B3GLCT: variants seen among roughly 807,000 people sequenced by gnomAD.
The protein encoded by B3GLCT is beta 3-glucosyltransferase.
Under a neutral mutation model 63.4 loss-of-function variants are expected in B3GLCT, and 65 were observed. The ratio of observed to expected loss-of-function variants is 1.03; its 90% CI spans 0.84 to 1.26. The LOEUF (loss-of-function observed/expected upper bound fraction) is 1.26. B3GLCT is among the 50% of genes most tolerant of loss of function. B3GLCT has a pLI of 0.00. For missense variants in B3GLCT, 577 were observed against 604.8 expected (o/e 0.95, Z 0.48); for synonymous variants, 233 against 219.2 (o/e 1.06, Z -0.55).
intron 10 of B3GLCT, 106 bp downstream of exon 10, chr13:31,276,877 A>G: frequency 1.2e-6 from 1 of 838,810 alleles, no homozygotes; most frequent in Admixed American, 1.9e-5. Context: ...GGATAATGAC[A>G]ATTCGGATGT....
chr13:31,232,906 T>A (rs1566053215), intron 4 of B3GLCT, among the ~76,000 whole-genome samples: 1 of 152,238 alleles, frequency 6.6e-6, no homozygotes, highest in Non-Finnish European at 1.5e-5. Context: ...TCATGATCTT[T>A]TCTTTCCCAG....
intron 10 of B3GLCT, chr13:31,283,427 CTTTT>C (rs996850006): frequency 6.6e-6 from 1 of 151,942 alleles, no homozygotes; most frequent in African/African-American, 2.4e-5. Flanking sequence ...TTCTTTTTTC[CTTTT>C]TTTGTCCGCC....
intron 12 of B3GLCT, among the ~76,000 whole-genome samples, chr13:31,316,403 G>A (rs1875011946): frequency 7.7e-5 from 1 of 12,966 alleles, no homozygotes; most frequent in Non-Finnish European, 2.9e-4. Context: ...AGATTTTGGA[G>A]GTTTTATATA....
chr13:31,215,180 C>T, intron 2 of B3GLCT, 80 bp downstream of exon 2: 2 of 1,323,052 alleles, frequency 1.5e-6, no homozygotes, highest in Non-Finnish European at 2.1e-6. Flanking sequence ...GTAATCATTT[C>T]ATTCTTCAAT....
chr13:31,219,534 T>C (rs774622608), intron 2 of B3GLCT, among the ~76,000 whole-genome samples: 30 of 152,178 alleles, frequency 2.0e-4, no homozygotes, highest in Non-Finnish European at 3.7e-4. Context: ...ATGACAGGCA[T>C]AAGGTTAACA....
chr13:31,243,083 AATTT>A (rs1871031989), intron 4 of B3GLCT, among the ~76,000 whole-genome samples: 1 of 152,198 alleles, frequency 6.6e-6, no homozygotes, highest in African/African-American at 2.4e-5. Flanking sequence ...TTTTCACCAT[AATTT>A]ATTTGTTGTT....
At chr13:31,293,277 G>T (rs1364963463) in intron 12 of B3GLCT, among the ~76,000 whole-genome samples, 1 of 152,200 alleles carries the variant, frequency 6.6e-6, no homozygotes, top group Non-Finnish European at 1.5e-5. Flanking sequence ...TGTATATTCT[G>T]TTGATTTGGG....
chr13:31,220,473 G>T (rs1483803666), intron 2 of B3GLCT, among the ~76,000 whole-genome samples: 2 of 152,172 alleles, frequency 1.3e-5, no homozygotes, highest in East Asian at 1.9e-4. Context: ...TATTGATAGC[G>T]TAAGAAACAT....
chr13:31,218,505 T>C (rs1869667070), intron 2 of B3GLCT, among the ~76,000 whole-genome samples: 1 of 152,204 alleles, frequency 6.6e-6, no homozygotes, highest in South Asian at 2.1e-4. Flanking sequence ...ATGGGATTGC[T>C]TTCTTAATTT....
At chr13:31,261,476 T>G (rs778935142) in intron 7 of B3GLCT, among the ~76,000 whole-genome samples, 48 of 152,316 alleles carry the variant, frequency 3.2e-4, no homozygotes, top group Admixed American at 5.9e-4. Flanking sequence ...GGTTGAGAGT[T>G]GATGACTCAT....
At chr13:31,302,495 C>G (rs1211325894) in intron 12 of B3GLCT, among the ~76,000 whole-genome samples, 1 of 132,394 alleles carries the variant, frequency 7.6e-6, no homozygotes, top group South Asian at 2.8e-4. Context: ...CGAAGCAGGG[C>G]GAGGCATTGC....
At chr13:31,288,164 G>A (rs530217652) in intron 12 of B3GLCT, among the ~76,000 whole-genome samples, 4 of 152,228 alleles carry the variant, frequency 2.6e-5, no homozygotes, top group South Asian at 4.1e-4. Context: ...CAAAAGCAGA[G>A]AACAGCCACC....
At chr13:31,236,536 C>T (rs2137785568) in intron 4 of B3GLCT, among the ~76,000 whole-genome samples, 1 of 152,252 alleles carries the variant, frequency 6.6e-6, no homozygotes, top group African/African-American at 2.4e-5. Flanking sequence ...AAGGAAGCTT[C>T]CCTTTAATTA....
intron 4 of B3GLCT, among the ~76,000 whole-genome samples, chr13:31,235,521 C>T (rs777206391): frequency 2.0e-5 from 3 of 151,944 alleles, no homozygotes; most frequent in East Asian, 1.9e-4. Flanking sequence ...AGGACTGGCC[C>T]GTCAAATTGC....
chr13:31,229,201 A>G lies in B3GLCT; in HGVS notation c.177A>G (p.Val59=), dbSNP rs1870248384. The change falls in exon 4 of 15, where the codon GTA becomes GTG. Residue 59 remains valine (V), a synonymous_variant. Coordinates refer to ENST00000343307, the MANE Select transcript of B3GLCT (RefSeq NM_194318.4). ...RKNDIDLKGI[V]FVIQSQSNSF... Reference sequence around the variant, plus strand: ...TTGTTCTAGACTTAAAAGGAATTGTATTCGTCATCCAGAGTCAAAGTAATT... The same window carrying G: ...TTGTTCTAGACTTAAAAGGAATTGTGTTCGTCATCCAGAGTCAAAGTAATT... 3 of 1,606,846 alleles carry G rather than the reference A, an allele frequency of 1.9e-6. No individual in the cohort carries two copies. The highest frequency in any genetic ancestry group is 2.2e-5 in the East Asian group (1 of 44,840).
intron 10 of B3GLCT, 128 bp from the exon 11 acceptor site, chr13:31,284,520 C>T (rs1873222272): frequency 1.4e-6 from 1 of 709,126 alleles, no homozygotes; most frequent in African/African-American, 1.8e-5. Context: ...AAGCAAGCAA[C>T]TCTTGGAACA....
At chr13:31,316,690 GT>G (rs1875052399) in intron 12 of B3GLCT, among the ~76,000 whole-genome samples, 1 of 151,770 alleles carries the variant, frequency 6.6e-6, no homozygotes, top group Admixed American at 6.6e-5. Flanking sequence ...TGGAAGGGAC[GT>G]TTCTAATTGG....
At chr13:31,217,596 C>T (rs1008459704) in intron 2 of B3GLCT, among the ~76,000 whole-genome samples, 1 of 152,112 alleles carries the variant, frequency 6.6e-6, no homozygotes, top group African/African-American at 2.4e-5. Flanking sequence ...GTCTTTAATT[C>T]ATCTTGAGTT....
intron 6 of B3GLCT, among the ~76,000 whole-genome samples, chr13:31,253,175 G>T (rs775060180): frequency 6.6e-6 from 1 of 152,046 alleles, no homozygotes; most frequent in Non-Finnish European, 1.5e-5. Context: ...GAGAACAAAC[G>T]CACAACATAC....
Sources: allele counts gnomAD v4.1 joint callset (sites outside exome capture counted in the v4.1 genomes callset), GRCh38; gene constraint gnomAD v4.1.1; transcripts MANE v1.5; gene names NCBI Gene and HGNC (gene_info 2026-07-23, HGNC 2026-07-21).